The following BNC2 variants were observed in gnomAD, a reference collection of about 807,000 sequenced individuals.
The protein encoded by BNC2 is zinc finger protein basonuclin-2.
In BNC2, 20 loss-of-function variants were observed where a neutral mutation model predicts 76.3. The ratio of observed to expected loss-of-function variants is 0.26; its 90% confidence interval spans 0.18 to 0.38. BNC2 has a LOEUF of 0.38. BNC2 is among the 10% of genes least tolerant of loss of function. The probability of loss-of-function intolerance (pLI) is 1.00; values close to 1 mark genes in which losing one functional copy is unlikely to be tolerated. For missense variants in BNC2, 1,382 were observed against 1,399.8 expected (o/e 0.99, Z 0.20); for synonymous variants, 582 against 514.8 (o/e 1.13, Z -1.77).
chr9:16,809,280 T>G (rs1817988761), intron 1 of BNC2, among the ~76,000 whole-genome samples: 1 of 152,100 alleles, frequency 6.6e-6, no homozygotes, highest in Non-Finnish European at 1.5e-5. Context: ...GATGACCTTT[T>G]CAGTGGTCTA....
intron 3 of BNC2, chr9:16,665,090 C>T (rs373924545): frequency 2.2e-5 from 10 of 455,900 alleles, no homozygotes; most frequent in Admixed American, 1.6e-4. Context: ...AACTTTCAGC[C>T]GGGTGCAGTG....
intron 5 of BNC2, among the ~76,000 whole-genome samples, chr9:16,545,391 A>C (rs1274616251): frequency 6.6e-6 from 1 of 152,188 alleles, no homozygotes; most frequent in Non-Finnish European, 1.5e-5. Context: ...GCTTTCTGTG[A>C]ATCATTCTAC....
chr9:16,786,757 G>C (rs1826305374), intron 1 of BNC2, among the ~76,000 whole-genome samples: 1 of 152,118 alleles, frequency 6.6e-6, no homozygotes, highest in Non-Finnish European at 1.5e-5. Context: ...CTGTGATACA[G>C]GTGGGGCAGA....
At chr9:16,746,821 G>C (rs1268019230) in intron 1 of BNC2, among the ~76,000 whole-genome samples, 1 of 151,674 alleles carries the variant, frequency 6.6e-6, no homozygotes, top group Middle Eastern at 3.2e-3. Flanking sequence ...AATTAGCCGG[G>C]CGTGGTGGCG....
At chr9:16,768,854 C>T (rs755986999) in intron 1 of BNC2, among the ~76,000 whole-genome samples, 3 of 152,070 alleles carry the variant, frequency 2.0e-5, no homozygotes, top group Non-Finnish European at 2.9e-5. Context: ...TTAAATCAAG[C>T]GTTGAATTTA....
rs1057169359 is a variant in BNC2 at position 16,459,916 on chromosome 9, C to T, written c.670-22392G>A. On this transcript the variant is annotated intron_variant, in intron 5 of 6. Transcript: ENST00000380672. The stretch of plus-strand genomic sequence containing the variant: ...GCTACATTATCCCTTTCTGAAACGG[C>T]TTTGAGAAAGAAAATGAAAGAGGTA... 2.2e-4 allele frequency among the ~76,000 whole-genome samples: 33 copies of T among 152,134 alleles called. 1 individual carries two copies. The highest frequency in any genetic ancestry group is 2.9e-5 in the Non-Finnish European group (2 of 68,028).
intron 5 of BNC2, among the ~76,000 whole-genome samples, chr9:16,441,241 C>G (rs1821122903): frequency 6.6e-6 from 1 of 152,128 alleles, no homozygotes; most frequent in Admixed American, 6.6e-5. Context: ...GAGGTTGAAG[C>G]TGCAGTGAGC....
intron 5 of BNC2, among the ~76,000 whole-genome samples, chr9:16,496,041 T>G (rs1166466428): frequency 6.6e-6 from 1 of 151,920 alleles, no homozygotes; most frequent in Non-Finnish European, 1.5e-5. Flanking sequence ...CTCAAGTAGC[T>G]GGGATTACAG....
At chr9:16,614,958 TAAAAAAAAAA>T (rs60545823) in intron 3 of BNC2, among the ~76,000 whole-genome samples, 3 of 62,522 alleles carry the variant, frequency 4.8e-5, no homozygotes, top group African/African-American at 2.0e-4. Flanking sequence ...TCTGTCTCTT[TAAAAAAAAAA>T]AAAAAAAAAA....
intron 1 of BNC2, among the ~76,000 whole-genome samples, chr9:16,863,756 C>A (rs1819470176): frequency 6.6e-6 from 1 of 151,926 alleles, no homozygotes. Context: ...GAGGTAAGGT[C>A]AAGAAAAATT....
intron 1 of BNC2, among the ~76,000 whole-genome samples, chr9:16,794,229 G>T (rs764453585): frequency 2.6e-5 from 4 of 152,052 alleles, no homozygotes; most frequent in Non-Finnish European, 5.9e-5. Context: ...TTTTATTCCA[G>T]ATGGGAAACT....
chr9:16,608,238 C>G (rs10123447), intron 3 of BNC2, among the ~76,000 whole-genome samples: 1 of 152,118 alleles, frequency 6.6e-6, no homozygotes, highest in Admixed American at 6.6e-5. Context: ...CTTGTAACAA[C>G]TGAATGGTAC....
intron 3 of BNC2, among the ~76,000 whole-genome samples, chr9:16,666,718 A>T (rs893003581): frequency 3.3e-5 from 5 of 152,322 alleles, no homozygotes; most frequent in African/African-American, 1.2e-4. Flanking sequence ...CAGCAAATAT[A>T]TCTGTTTTGC....
chr9:16,788,781 C>A (rs1173747822), intron 1 of BNC2, among the ~76,000 whole-genome samples: 2 of 152,120 alleles, frequency 1.3e-5, no homozygotes, highest in Non-Finnish European at 1.5e-5. Flanking sequence ...TGCCTCACAC[C>A]CTGCCAAGGT....
intron 4 of BNC2, among the ~76,000 whole-genome samples, chr9:16,556,324 C>G (rs922705756): frequency 2.6e-5 from 4 of 152,034 alleles, no homozygotes; most frequent in African/African-American, 2.4e-5. Flanking sequence ...TTTACACAAA[C>G]AGACACCTCA....
intron 4 of BNC2, among the ~76,000 whole-genome samples, chr9:16,563,777 T>A (rs753580265): frequency 2.8e-4 from 43 of 152,186 alleles, no homozygotes; most frequent in Non-Finnish European, 5.4e-4. Context: ...ATAAGTACTA[T>A]TCATCCATGG....
chr9:16,705,317 C>A (rs1207190171), intron 3 of BNC2, among the ~76,000 whole-genome samples: 2 of 152,218 alleles, frequency 1.3e-5, no homozygotes, highest in East Asian at 1.9e-4. Flanking sequence ...TGCCAAGGAA[C>A]CGCTTTTTTG....
In BNC2 at chr9:16,418,676, GTGTGTGTGTGTGTGTA is replaced by G; in HGVS notation, c.*297_*312del. The G allele has an allele frequency of 9.9e-6, 3 of 304,462 alleles. No homozygotes were observed. Among genetic ancestry groups the G allele is most frequent in the Non-Finnish European group, 1.2e-5 (2 of 166,956 alleles). 18.9% of individuals were successfully genotyped at this position (304,462 alleles called of 1,614,324 possible). Reference sequence around the variant, plus strand: ...GGCTAGTTGCACACTGTGTGTGTGTGTGTGTGTGTGTGTGTATGTGCATGTGTGTGTGTGTGTGTTT... The same window carrying G: ...GGCTAGTTGCACACTGTGTGTGTGTGTGTGCATGTGTGTGTGTGTGTGTTT... On this transcript the variant is annotated 3_prime_UTR_variant, in exon 7 of 7. Coordinates refer to ENST00000380672, the MANE Select transcript of BNC2 (RefSeq NM_017637.6).
intron 5 of BNC2, among the ~76,000 whole-genome samples, chr9:16,474,557 G>C (rs918066357): frequency 2.6e-5 from 4 of 152,198 alleles, no homozygotes; most frequent in African/African-American, 4.8e-5. Context: ...GTATGTGCTG[G>C]TGGGGAGAAG....
Sources: allele counts gnomAD v4.1 joint callset (sites outside exome capture counted in the v4.1 genomes callset), GRCh38; gene constraint gnomAD v4.1.1; transcripts MANE v1.5; gene names NCBI Gene and HGNC (gene_info 2026-07-23, HGNC 2026-07-21).